NCAM2: variants seen among roughly 807,000 people sequenced by gnomAD.
NCAM2 encodes N-CAM-2.
A neutral mutation model predicts 98.1 loss-of-function variants in NCAM2; 30 were observed. That is an observed-to-expected ratio of 0.31 (90% CI 0.23 to 0.41). NCAM2 has a LOEUF of 0.41. Among genes scored for constraint, NCAM2 ranks in the 10% least tolerant of loss-of-function variants. NCAM2 has a pLI of 1.00. For missense variants in NCAM2, 867 were observed against 1,005.8 expected (o/e 0.86, Z 1.87); for synonymous variants, 368 against 342.4 (o/e 1.07, Z -0.83).
At chr21:21,235,865 C>T (rs1335526353) in intron 1 of NCAM2, among the ~76,000 whole-genome samples, 1 of 151,958 alleles carries the variant, frequency 6.6e-6, no homozygotes, top group African/African-American at 2.4e-5. Flanking sequence ...GTTATATGTC[C>T]TCAGAGAACC....
chr21:21,385,373 C>A (rs2076245879), intron 9 of NCAM2, among the ~76,000 whole-genome samples: 1 of 130,320 alleles, frequency 7.7e-6, no homozygotes, highest in Non-Finnish European at 1.6e-5. Context: ...CAATGTTAAA[C>A]ACACACACAC....
At chr21:21,088,559 G>A (rs912053731) in intron 1 of NCAM2, among the ~76,000 whole-genome samples, 1 of 152,064 alleles carries the variant, frequency 6.6e-6, no homozygotes, top group African/African-American at 2.4e-5. Flanking sequence ...CTATAATGTT[G>A]CATGCAGACA....
intron 4 of NCAM2, 101 bp from the exon 5 acceptor site, chr21:21,292,003 A>G (rs553981033): frequency 2.0e-6 from 2 of 1,020,608 alleles, no homozygotes; most frequent in South Asian, 2.7e-5. Flanking sequence ...AAAGCTTGAT[A>G]GTGTCAGACA....
At chr21:21,259,059 CT>C (rs1315605581) in intron 1 of NCAM2, among the ~76,000 whole-genome samples, 1 of 152,132 alleles carries the variant, frequency 6.6e-6, no homozygotes, top group African/African-American at 2.4e-5. Flanking sequence ...GGTTCTCCCC[CT>C]GAGGGTCGTC....
At chr21:21,286,242 GTGAT>G in intron 3 of NCAM2, 23 bp from the exon 4 acceptor site, 1 of 1,553,550 alleles carries the variant, frequency 6.4e-7, no homozygotes. Context: ...TTTGTGATTT[GTGAT>G]TTGTTTTACT....
intron 12 of NCAM2, among the ~76,000 whole-genome samples, chr21:21,458,222 G>A (rs879539143): frequency 6.6e-6 from 1 of 152,202 alleles, no homozygotes; most frequent in Non-Finnish European, 1.5e-5. Flanking sequence ...CCTGGTCTCG[G>A]GTAGGACATG....
intron 1 of NCAM2, among the ~76,000 whole-genome samples, chr21:21,008,222 A>G (rs541109366): frequency 6.6e-6 from 1 of 152,320 alleles, no homozygotes; most frequent in East Asian, 1.9e-4. Flanking sequence ...ACAAGCTGAA[A>G]TTAAGCACAT....
In NCAM2 at chr21:21,483,570, C is replaced by T. The variant is rs2125867; in HGVS notation, c.2077+6099C>T. The stretch of plus-strand genomic sequence containing the variant: ...CAGAAAACAACTTTCAAACACATGG[C>T]AAATATGAAAATATTATTTTAGGAT... On this transcript the variant is annotated intron_variant, in intron 15 of 17. Transcript: ENST00000400546. Among the ~76,000 whole-genome samples the T allele has an allele frequency of 5.0e-3, 757 of 151,762 alleles. 8 individuals carry two copies. The highest frequency in any genetic ancestry group is 0.017 in the African/African-American group (693 of 41,382).
intron 1 of NCAM2, among the ~76,000 whole-genome samples, chr21:21,179,807 G>A (rs183712759): frequency 3.9e-4 from 60 of 152,314 alleles, no homozygotes; most frequent in Admixed American, 2.9e-3. Flanking sequence ...CATATCCCCA[G>A]GATGTAGCAC....
intron 1 of NCAM2, among the ~76,000 whole-genome samples, chr21:21,163,235 C>T (rs1385405375): frequency 1.3e-5 from 2 of 152,018 alleles, no homozygotes; most frequent in Non-Finnish European, 2.9e-5. Flanking sequence ...GCATTACATT[C>T]AGTGTTGACA....
At chr21:21,287,863 A>G (rs2073154618) in intron 4 of NCAM2, among the ~76,000 whole-genome samples, 1 of 151,750 alleles carries the variant, frequency 6.6e-6, no homozygotes, top group Admixed American at 6.6e-5. Context: ...TCTTTTCTAA[A>G]TGTTCTGTGC....
At chr21:21,100,593 G>T (rs1037623919) in intron 1 of NCAM2, among the ~76,000 whole-genome samples, 7 of 152,058 alleles carry the variant, frequency 4.6e-5, no homozygotes, top group Non-Finnish European at 1.0e-4. Context: ...TTATAATGCA[G>T]AAGGAAATCT....
chr21:21,460,793 G>A (rs1982861506), intron 12 of NCAM2, among the ~76,000 whole-genome samples: 1 of 151,872 alleles, frequency 6.6e-6, no homozygotes, highest in South Asian at 2.1e-4. Context: ...TAATGAGGGT[G>A]TGATCAATAA....
At chr21:21,140,489 C>T (rs1488413055) in intron 1 of NCAM2, among the ~76,000 whole-genome samples, 1 of 152,042 alleles carries the variant, frequency 6.6e-6, no homozygotes, top group Non-Finnish European at 1.5e-5. Context: ...ATAAATCATC[C>T]TACCGATGCT....
chr21:21,450,811 C>T (rs879945103), intron 12 of NCAM2, among the ~76,000 whole-genome samples: 20,619 of 151,254 alleles, frequency 0.14, 1,442 homozygotes, highest in Non-Finnish European at 0.14. Flanking sequence ...CACACACACA[C>T]ACACACACAC....
At chr21:21,288,744 T>C (rs948621066) in intron 4 of NCAM2, among the ~76,000 whole-genome samples, 10 of 151,874 alleles carry the variant, frequency 6.6e-5, no homozygotes, top group Non-Finnish European at 1.2e-4. Flanking sequence ...ATTACAATTA[T>C]GTATGAGGAT....
chr21:21,039,284 C>G (rs2146254435), intron 1 of NCAM2, among the ~76,000 whole-genome samples: 1 of 152,218 alleles, frequency 6.6e-6, no homozygotes, highest in South Asian at 2.1e-4. Context: ...TGAGTGAAAG[C>G]ATGTGTTATT....
At chr21:21,249,031 T>C (rs1031516258) in intron 1 of NCAM2, among the ~76,000 whole-genome samples, 8 of 152,054 alleles carry the variant, frequency 5.3e-5, no homozygotes, top group African/African-American at 1.9e-4. Flanking sequence ...GTTTGAGAAA[T>C]GCATTTTTTA....
intron 1 of NCAM2, among the ~76,000 whole-genome samples, chr21:21,178,644 T>A (rs183033658): frequency 1.4e-4 from 22 of 152,040 alleles, no homozygotes; most frequent in Non-Finnish European, 2.6e-4. Flanking sequence ...TCTCCATATC[T>A]GTATTTTTAA....
Sources: allele counts gnomAD v4.1 joint callset (sites outside exome capture counted in the v4.1 genomes callset), GRCh38; gene constraint gnomAD v4.1.1; transcripts MANE v1.5; gene names NCBI Gene and HGNC (gene_info 2026-07-23, HGNC 2026-07-21).